PCDH12: variants seen among roughly 807,000 people sequenced by gnomAD.
The protein encoded by PCDH12 is protocadherin-12.
PCDH12 carries 45 observed loss-of-function variants against 70.9 expected under a neutral mutation model. The ratio of observed to expected loss-of-function variants is 0.63; its 90% CI spans 0.50 to 0.81. The LOEUF is 0.81. PCDH12 is among the 40% of genes least tolerant of loss of function. The pLI, the probability that PCDH12 is intolerant of heterozygous loss-of-function variation, is 0.00. For synonymous variants in PCDH12, 567 were observed against 626.0 expected (o/e 0.91, Z 1.41); for missense variants, 1,370 against 1,491.7 (o/e 0.92, Z 1.34).
intron 1 of PCDH12, 119 bp from the exon 2 acceptor site, chr5:141,951,709 T>C (rs1753086492): frequency 1.3e-6 from 1 of 772,250 alleles, no homozygotes; most frequent in Non-Finnish European, 2.2e-6. Flanking sequence ...GCTTCAGATG[T>C]TTGTGTGATC....
Position 141,949,616 on chromosome 5 carries a change from G to A in PCDH12, c.2979-33C>T, listed in dbSNP as rs201537686. 22 of 1,603,496 alleles carry A rather than the reference G, an allele frequency of 1.4e-5. No individual in the cohort carries two copies. The African/African-American group carries it at 2.6e-4, about 19-fold the overall frequency. ...AGAAACCAACCAGTCCATGGGTAGG[G>A]ACATTCCCATATAGATTCATTCATT... On this transcript the variant is annotated intron_variant, in intron 2 of 3. Coordinates refer to ENST00000231484, the MANE Select transcript of PCDH12 (RefSeq NM_016580.4).
chr5:141,956,113 A>G lies in PCDH12; in HGVS notation c.1739T>C (p.Leu580Pro), dbSNP rs1255841220. 2 of 1,614,216 alleles carry G rather than the reference A, an allele frequency of 1.2e-6. No individual in the cohort carries two copies. Among genetic ancestry groups the G allele is most frequent in the South Asian group, 1.1e-5 (1 of 91,082 alleles). Reference sequence around the variant, plus strand: ...CAGGTGGCCTGTGGAGGCATTCACAAGCACGGAGAGGCTGGCTTTTCCATC... The same window carrying G: ...CAGGTGGCCTGTGGAGGCATTCACAGGCACGGAGAGGCTGGCTTTTCCATC... ...LSDGKASLSV[L>P]VNASTGHLLV... Residue 580 changes from leucine (L) to proline (P), a missense_variant, in exon 1 of 4, where the codon CTT becomes CCT. Leu to Pro is a moderately conservative substitution (Grantham distance 98). Transcript: ENST00000231484.
Position 141,945,509 on chromosome 5 carries a change from C to A in PCDH12, c.3427G>T (p.Gly1143Trp). The A allele has an allele frequency of 1.9e-6, 3 of 1,613,596 alleles. No homozygotes were observed. Among genetic ancestry groups the A allele is most frequent in the Non-Finnish European group, 8.5e-7 (1 of 1,179,844 alleles). Residue 1143 changes from glycine to tryptophan, a missense_variant, in exon 4 of 4, where the codon GGG becomes TGG. Coordinates refer to ENST00000231484, the MANE Select transcript of PCDH12 (RefSeq NM_016580.4). ...SEALRRLSVC[G>W]RTLSLDLATS... ...GCCAAGTCTAAACTGAGGGTCCTCC[C>A]GCAGACCGAGAGCCGCCGCAGCGCC...
Position 141,949,724 on chromosome 5 carries a change from T to C in PCDH12, c.2979-141A>G, listed in dbSNP as rs1753037344. On this transcript the variant is annotated intron_variant, in intron 2 of 3. Coordinates refer to ENST00000231484, the MANE Select transcript of PCDH12 (RefSeq NM_016580.4). ...GCCTCTAGAGTCAGACCAACCTGGA[T>C]CATGTGATTCCCGCCCTCCTCTTAC... 3 of 876,844 alleles carry C rather than the reference T, an allele frequency of 3.4e-6. No homozygotes were observed. The Admixed American group carries it at 9.1e-5, about 27-fold the overall frequency. The allele number at this position is 876,844 out of a possible 1,614,324, so 54.3% of individuals were successfully genotyped here.
intron 3 of PCDH12, among the ~76,000 whole-genome samples, chr5:141,946,757 T>C (rs958355500): frequency 6.6e-6 from 1 of 152,080 alleles, no homozygotes; most frequent in Non-Finnish European, 1.5e-5. Context: ...GCCCCTACAT[T>C]TGCAATGCCA....
rs765468804 is a variant in PCDH12, at chr5:141,955,990, A to T, written c.1862T>A (p.Ile621Asn). Reference protein sequence around the residue: ...HSSRPFLLTTIVARDADSGAN... With the variant: ...HSSRPFLLTTNVARDADSGAN... The stretch of plus-strand genomic sequence containing the variant: ...CCCCGAGTCTGCATCTCTTGCCACA[A>T]TGGTTGTCAAAAGGAATGGCCGGGA... Residue 621 changes from isoleucine (I) to asparagine (N), a missense_variant, in exon 1 of 4, where the codon ATT (isoleucine) becomes AAT (asparagine). By Grantham distance (149) the Ile-to-Asn change is moderately radical (BLOSUM62 -3). Transcript: ENST00000231484. This position sits in a 1 kb window ranked among gnomAD's most constrained non-coding sequence, Gnocchi z 5.5. 1 of 1,614,088 alleles carries T rather than the reference A, an allele frequency of 6.2e-7. No homozygotes were observed.
chr5:141,951,411 C>G, intron 2 of PCDH12, 82 bp downstream of exon 2: 3 of 1,034,408 alleles, frequency 2.9e-6, no homozygotes, highest in Non-Finnish European at 4.6e-6. Context: ...TGTGCTCACC[C>G]TTCCTCACTC....
rs1277468338 is a variant in PCDH12, at chr5:141,957,923, T to G, written c.-72A>C. ...AAGGCTGGACAAGTCCTCCAGTGTT[T>G]CCTGGATGGCTTGATCAGCCCCGTG... is the stretch of plus-strand genomic sequence containing the variant. On this transcript the variant is annotated 5_prime_UTR_variant, in exon 1 of 4. Transcript: ENST00000231484. This position sits in a 1 kb window ranked among gnomAD's most constrained non-coding sequence, Gnocchi z 4.3. The G allele has an allele frequency of 9.2e-6, 14 of 1,522,836 alleles. No homozygotes were observed. The South Asian group carries it at 1.6e-4, about 18-fold the overall frequency. The allele number at this position is 1,522,836 out of a possible 1,614,324, so 94.3% of individuals were successfully genotyped here.
rs911301250 is a variant in PCDH12 at position 141,944,988 on chromosome 5, G to T, written c.*393C>A. ...AATGAATCACTGCTTTTCCTTTATT[G>T]ATAGGTCAGAGAGCATTTCCTGGCA... On this transcript the variant is annotated 3_prime_UTR_variant, in exon 4 of 4. Transcript: ENST00000231484. The T allele has an allele frequency of 5.0e-6, 1 of 198,294 alleles. No individual in the cohort carries two copies. The allele number at this position is 198,294 out of a possible 1,614,324, so 12.3% of individuals were successfully genotyped here.
At chr5:141,952,745 A>T (rs1034578993) in intron 1 of PCDH12, 1 of 152,210 alleles carries the variant, frequency 6.6e-6, no homozygotes, top group African/African-American at 2.4e-5. Context: ...AAATACCCAC[A>T]CGCCTTCTTC....
rs530821223 is a variant in PCDH12 at position 141,945,526 on chromosome 5, C to A, written c.3410G>T (p.Arg1137Leu). The A allele has an allele frequency of 6.2e-7, 1 of 1,613,910 alleles. No individual in the cohort carries two copies. The highest frequency in any genetic ancestry group is 1.7e-5 in the Admixed American group (1 of 60,006). The change falls in exon 4 of 4, where the codon CGG (arginine) becomes CTG (leucine). Residue 1137 changes from arginine (R) to leucine (L), a missense_variant. By Grantham distance (102) the Arg-to-Leu change is moderately radical (BLOSUM62 -2). Transcript: ENST00000231484. Reference sequence around the variant, plus strand: ...GGTCCTCCCGCAGACCGAGAGCCGCCGCAGCGCCTCGGAGGCGGCCTCCAC... The same window carrying A: ...GGTCCTCCCGCAGACCGAGAGCCGCAGCAGCGCCTCGGAGGCGGCCTCCAC... Reference protein sequence around the residue: ...MPVEAASEALRRLSVCGRTLS... With the variant: ...MPVEAASEALLRLSVCGRTLS...
At chr5:141,951,639 C>T in intron 1 of PCDH12, 49 bp from the exon 2 acceptor site, 1 of 1,316,296 alleles carries the variant, frequency 7.6e-7, no homozygotes, top group East Asian at 2.3e-5. Flanking sequence ...CGACTCAGCA[C>T]ACTTCCTCGC....
chr5:141,955,546 T>C lies in PCDH12; in HGVS notation c.2306A>G (p.His769Arg). Residue 769 changes from histidine (H) to arginine (R), a missense_variant, in exon 1 of 4, where the codon CAC (histidine) becomes CGC (arginine). His to Arg is a conservative substitution (Grantham distance 29). Coordinates refer to ENST00000231484, the MANE Select transcript of PCDH12 (RefSeq NM_016580.4). This position sits in a 1 kb window ranked among gnomAD's most constrained non-coding sequence, Gnocchi z 5.5. ...YRQQPKRPQK[H>R]IQKADIHLVP... ...GAGGTGGATGTCTGCCTTCTGAATG[T>C]GTTTCTGGGGCCTCTTGGGCTGCTG... The C allele has an allele frequency of 6.2e-7, 1 of 1,614,120 alleles. No homozygotes were observed. Among genetic ancestry groups the C allele is most frequent in the Non-Finnish European group, 8.5e-7 (1 of 1,180,016 alleles).
rs764245491 is a variant in PCDH12 at position 141,955,348 on chromosome 5, G to T, written c.2504C>A (p.Pro835Gln). 1 of 1,614,014 alleles carries T rather than the reference G, an allele frequency of 6.2e-7. No individual in the cohort carries two copies. The highest frequency in any genetic ancestry group is 8.5e-7 in the Non-Finnish European group (1 of 1,180,040). ...TTGCAGCACCTCTCGGCTCTCCGCC[G>T]GTGCTCCCTGGTTGCCTTGATTACG... is the stretch of plus-strand genomic sequence containing the variant. The part of the protein sequence containing the change: ...TLRNQGNQGA[P>Q]AESREVLQDT... Residue 835 changes from proline to glutamine, a missense_variant, in exon 1 of 4, where the codon CCG becomes CAG. By Grantham distance (76) the Pro-to-Gln change is moderately conservative. Transcript: ENST00000231484. This position sits in a 1 kb window ranked among gnomAD's most constrained non-coding sequence, Gnocchi z 5.5.
rs1171579266 is a variant in PCDH12, at chr5:141,957,034, T to G, written c.818A>C (p.Gln273Pro). Residue 273 changes from glutamine (Q) to proline (P), a missense_variant, in exon 1 of 4, where the codon CAA becomes CCA. By Grantham distance (76) the Gln-to-Pro change is moderately conservative (BLOSUM62 -1). Transcript: ENST00000231484. The surrounding 1 kb of genome is among the most constrained non-coding windows in gnomAD (Gnocchi z 4.3). ...GAACTCCACCTCCCCATTGGGGCCTTGGTCAGGGTCTGTGGCGGTCAGTTT... is the reference window on the plus strand; with the variant it reads ...GAACTCCACCTCCCCATTGGGGCCTGGGTCAGGGTCTGTGGCGGTCAGTTT... ...LIKLTATDPD[Q>P]GPNGEVEFFL... is the part of the protein sequence containing the mutation. 2 of 1,614,216 alleles carry G rather than the reference T, an allele frequency of 1.2e-6. No homozygotes were observed. Among genetic ancestry groups the G allele is most frequent in the Admixed American group, 1.7e-5 (1 of 60,014 alleles).
At chr5:141,947,836 C>T (rs1752977979) in intron 3 of PCDH12, among the ~76,000 whole-genome samples, 1 of 152,086 alleles carries the variant, frequency 6.6e-6, no homozygotes, top group Admixed American at 6.5e-5. Context: ...CTTTTCTGCC[C>T]CTCCTCTTTC....
In PCDH12 at chr5:141,955,704, C is replaced by T. The variant is rs191747419; in HGVS notation, c.2148G>A (p.Met716Ile). 10 of 1,614,186 alleles carry T rather than the reference C, an allele frequency of 6.2e-6. No homozygotes were observed. Among genetic ancestry groups the T allele is most frequent in the East Asian group, 2.2e-5 (1 of 44,878 alleles). Residue 716 changes from methionine (M) to isoleucine (I), a missense_variant, in exon 1 of 4, where the codon ATG becomes ATA. By Grantham distance (10) the Met-to-Ile change is conservative. Coordinates refer to ENST00000231484, the MANE Select transcript of PCDH12 (RefSeq NM_016580.4). The surrounding 1 kb of genome is among the most constrained non-coding windows in gnomAD (Gnocchi z 5.5). ...ARKPGALSMS[M>I]LTVICLAVLL... is the part of the protein sequence containing the mutation. ...GTACAGCCAGGCAGATCACCGTCAG[C>T]ATCGACATGCTCAAGGCCCCAGGCT... is the stretch of plus-strand genomic sequence containing the variant.
At chr5:141,951,711 T>G in intron 1 of PCDH12, 121 bp from the exon 2 acceptor site, 1 of 760,780 alleles carries the variant, frequency 1.3e-6, no homozygotes, top group Non-Finnish European at 2.3e-6. Context: ...TTCAGATGTT[T>G]GTGTGATCAG....
intron 3 of PCDH12, 24 bp downstream of exon 3, chr5:141,949,408 A>C (rs375148676): frequency 1.1e-4 from 170 of 1,600,948 alleles, no homozygotes; most frequent in Non-Finnish European, 1.4e-4. Flanking sequence ...AAGCAGGGTC[A>C]AGGTAACTCC....
Sources: allele counts gnomAD v4.1 joint callset (sites outside exome capture counted in the v4.1 genomes callset), GRCh38; gene constraint gnomAD v4.1.1; non-coding constraint Gnocchi (gnomAD v3.1); transcripts MANE v1.5; gene names NCBI Gene and HGNC (gene_info 2026-07-23, HGNC 2026-07-21).